CAMSAP1: variants seen among roughly 807,000 people sequenced by gnomAD.
CAMSAP1 encodes the protein calmodulin-regulated spectrin-associated protein 1.
In CAMSAP1, 58 loss-of-function variants were observed where a neutral mutation model predicts 143.5. The observed-to-expected ratio is 0.40, with a 90% confidence interval of 0.33 to 0.50. The LOEUF (loss-of-function observed/expected upper bound fraction) is 0.50. Ranked by LOEUF, CAMSAP1 falls within the 20% of genes least tolerant of loss-of-function variation. The pLI is 0.45. For missense variants in CAMSAP1, 1,969 were observed against 2,115.7 expected (o/e 0.93, Z 1.36); for synonymous variants, 945 against 859.3 (o/e 1.10, Z -1.74).
At chr9:135,825,729 T>A (rs1246662989) in intron 8 of CAMSAP1, among the ~76,000 whole-genome samples, 5 of 151,806 alleles carry the variant, frequency 3.3e-5, no homozygotes, top group African/African-American at 1.2e-4. Context: ...GAGAATTTGG[T>A]AAAGGGATAA....
At chr9:135,854,717 G>C (rs1168004141) in intron 5 of CAMSAP1, among the ~76,000 whole-genome samples, 2 of 152,102 alleles carry the variant, frequency 1.3e-5, no homozygotes, top group African/African-American at 4.8e-5. Context: ...GCCTCCCAAA[G>C]TGCTAGAATT....
At position 135,865,254 on chromosome 9, in the gene CAMSAP1, G is replaced by C; in HGVS notation, c.666+1202C>G. 9 of 1,391,070 alleles carry C rather than the reference G, an allele frequency of 6.5e-6. No individual in the cohort carries two copies. The South Asian group carries it at 8.7e-5, about 14-fold the overall frequency. 86.2% of individuals were successfully genotyped at this position (1,391,070 alleles called of 1,614,324 possible). The stretch of plus-strand genomic sequence containing the variant: ...ACAACAAAAAAACAGTTTTGGGTGC[G>C]AGCAGTTTTTAATGGAAGCAAGTGA... On this transcript the variant is annotated intron_variant, in intron 4 of 16. Coordinates refer to ENST00000389532, the MANE Select transcript of CAMSAP1 (RefSeq NM_015447.4).
intron 1 of CAMSAP1, among the ~76,000 whole-genome samples, chr9:135,886,322 T>C (rs1838120496): frequency 6.6e-6 from 1 of 152,086 alleles, no homozygotes. Context: ...TCACACAGGA[T>C]GAGTGCTGGG....
chr9:135,855,968 C>T (rs1286578783), intron 5 of CAMSAP1, among the ~76,000 whole-genome samples: 4 of 151,742 alleles, frequency 2.6e-5, no homozygotes, highest in Non-Finnish European at 4.4e-5. Flanking sequence ...AGGAGAATGG[C>T]GTGAACCTGG....
rs1346329690 is a variant in CAMSAP1 at position 135,821,295 on chromosome 9, G to T, written c.3366C>A (p.Thr1122=). ...DRPQGSSRSK[T]PTPSVETLPH... is the part of the protein sequence containing the mutation. ...GGAGCGTCTCTACACTGGGCGTTGG[G>T]GTTTTACTTCGGGAGGAGCCCTGTG... is the stretch of plus-strand genomic sequence containing the variant. The change falls in exon 11 of 17, where the codon ACC becomes ACA. Residue 1122 remains threonine (T), a synonymous_variant. Coordinates refer to ENST00000389532, the MANE Select transcript of CAMSAP1 (RefSeq NM_015447.4). This position sits in a 1 kb window ranked among gnomAD's most constrained non-coding sequence, Gnocchi z 4.6. The T allele has an allele frequency of 6.2e-7, 1 of 1,611,980 alleles. No individual in the cohort carries two copies. The highest frequency in any genetic ancestry group is 8.5e-7 in the Non-Finnish European group (1 of 1,179,868).
At chr9:135,837,218 C>T (rs1350050023) in intron 7 of CAMSAP1, among the ~76,000 whole-genome samples, 1 of 150,606 alleles carries the variant, frequency 6.6e-6, no homozygotes, top group African/African-American at 2.4e-5. Flanking sequence ...CACGTCACCA[C>T]GGACATTCTA....
intron 7 of CAMSAP1, among the ~76,000 whole-genome samples, chr9:135,841,664 A>G (rs956195779): frequency 6.6e-6 from 1 of 152,222 alleles, no homozygotes; most frequent in African/African-American, 2.4e-5. Flanking sequence ...ACAGGCAGCA[A>G]TCTTTGCTGT....
intron 3 of CAMSAP1, among the ~76,000 whole-genome samples, chr9:135,872,095 C>A (rs1837588484): frequency 6.6e-6 from 1 of 151,380 alleles, no homozygotes; most frequent in Admixed American, 6.6e-5. Context: ...AGCGAAACTC[C>A]CATCTCAAAA....
intron 3 of CAMSAP1, among the ~76,000 whole-genome samples, chr9:135,869,706 A>C (rs932854498): frequency 3.3e-5 from 5 of 152,126 alleles, no homozygotes; most frequent in African/African-American, 1.2e-4. Flanking sequence ...AAAAATGAAA[A>C]CATGTATTCA....
chr9:135,905,044 G>T (rs1400681826), intron 1 of CAMSAP1, among the ~76,000 whole-genome samples: 1 of 152,152 alleles, frequency 6.6e-6, no homozygotes, highest in South Asian at 2.1e-4. Flanking sequence ...CACCAGTAAG[G>T]GGCACTCCAG....
chr9:135,817,932 G>T (rs376962157), intron 14 of CAMSAP1, 45 bp downstream of exon 14: 1 of 1,548,862 alleles, frequency 6.5e-7, no homozygotes, highest in Non-Finnish European at 8.9e-7. Context: ...CTGCCCCTCC[G>T]AACGTCCTCC....
intron 7 of CAMSAP1, among the ~76,000 whole-genome samples, chr9:135,829,888 T>TA (rs774186293): frequency 2.7e-5 from 4 of 149,916 alleles, no homozygotes; most frequent in Non-Finnish European, 5.9e-5. Flanking sequence ...AATAAATAAA[T>TA]AACAATAAGT....
chr9:135,886,457 G>A (rs1366592745), intron 1 of CAMSAP1, among the ~76,000 whole-genome samples: 3 of 152,132 alleles, frequency 2.0e-5, no homozygotes. Context: ...GGAGCGAGAG[G>A]AAAACATGAA....
intron 3 of CAMSAP1, among the ~76,000 whole-genome samples, chr9:135,875,456 CCG>C (rs1355700304): frequency 6.6e-6 from 1 of 152,092 alleles, no homozygotes; most frequent in African/African-American, 2.4e-5. Context: ...AGTGACCCAC[CCG>C]CCTCAGCCTC....
At chr9:135,880,731 T>C (rs896714207) in intron 3 of CAMSAP1, among the ~76,000 whole-genome samples, 1 of 152,210 alleles carries the variant, frequency 6.6e-6, no homozygotes, top group African/African-American at 2.4e-5. Flanking sequence ...GGCGCGCTAA[T>C]ACAGCCTCAC....
chr9:135,821,576 C>T lies in CAMSAP1; in HGVS notation c.3085G>A (p.Glu1029Lys), dbSNP rs1265391740. ...GCCTGCTGCAGCGTACTGATGGTTT[C>T]GTTAAGCTTCTCGATGGAAAGGTCA... ...ECDLSIEKLN[E>K]TISTLQQAIL... The change falls in exon 11 of 17, where the codon GAA becomes AAA. Residue 1029 changes from glutamate (E) to lysine (K), a missense_variant. Around this residue, in one of 4 missense-constraint regions of CAMSAP1, gnomAD observed 1,390 missense variants for 1,420.8 expected, o/e 0.98. Coordinates refer to ENST00000389532, the MANE Select transcript of CAMSAP1 (RefSeq NM_015447.4). This position sits in a 1 kb window ranked among gnomAD's most constrained non-coding sequence, Gnocchi z 4.6. 7.4e-6 allele frequency: 12 copies of T among 1,613,874 alleles called. No homozygotes were observed. The highest frequency in any genetic ancestry group is 2.7e-5 in the African/African-American group (2 of 74,934).
chr9:135,842,791 TGAGA>T (rs1836404384), intron 7 of CAMSAP1, among the ~76,000 whole-genome samples: 1 of 152,180 alleles, frequency 6.6e-6, no homozygotes, highest in African/African-American at 2.4e-5. Flanking sequence ...AAGCAAATGC[TGAGA>T]GATTTTGTCA....
At position 135,818,210 on chromosome 9, in the gene CAMSAP1, G is replaced by A; in HGVS notation, c.4169-131C>T. On this transcript the variant is annotated intron_variant, in intron 13 of 16. Transcript: ENST00000389532. This position sits in a 1 kb window ranked among gnomAD's most constrained non-coding sequence, Gnocchi z 7.7. The stretch of plus-strand genomic sequence containing the variant: ...CAGGCCGCGTCCCCACCCCATCCCG[G>A]GGAGCCGGGCTGCGCCTGGATGTGC... 1.7e-6 allele frequency: 2 copies of A among 1,173,774 alleles called. No homozygotes were observed. Among genetic ancestry groups the A allele is most frequent in the East Asian group, 2.6e-5 (1 of 38,904 alleles). 72.7% of individuals were successfully genotyped at this position (1,173,774 alleles called of 1,614,324 possible). A position where few individuals can be genotyped will look rare whatever the true frequency, so the allele number is the denominator to read the frequency against.
Position 135,820,907 on chromosome 9 carries a change from T to A in CAMSAP1, c.3754A>T (p.Ser1252Cys), listed in dbSNP as rs1835420924. 6.2e-7 allele frequency: 1 copy of A among 1,613,700 alleles called. No homozygotes were observed. Among genetic ancestry groups the A allele is most frequent in the South Asian group, 1.1e-5 (1 of 91,082 alleles). ...ACAAGGTCCGCCGAGCCATCGAGGCTTACCAGCTCCCCATCCTCGTCGGGG... is the reference window on the plus strand; with the variant it reads ...ACAAGGTCCGCCGAGCCATCGAGGCATACCAGCTCCCCATCCTCGTCGGGG... ...KAPDEDGELV[S>C]LDGSADLVSE... The change falls in exon 11 of 17, where the codon AGC becomes TGC. Residue 1252 changes from serine to cysteine, a missense_variant. Ser to Cys is a moderately radical substitution (Grantham distance 112). Transcript: ENST00000389532. The surrounding 1 kb of genome is among the most constrained non-coding windows in gnomAD (Gnocchi z 4.4).
Sources: allele counts gnomAD v4.1 joint callset (sites outside exome capture counted in the v4.1 genomes callset), GRCh38; gene constraint gnomAD v4.1.1; regional missense constraint gnomAD v4.1.1; non-coding constraint Gnocchi (gnomAD v3.1); transcripts MANE v1.5; gene names NCBI Gene and HGNC (gene_info 2026-07-23, HGNC 2026-07-21).